WNK1: variants seen among roughly 807,000 people sequenced by gnomAD.
WNK1 encodes serine/threonine-protein kinase WNK1.
In WNK1, 38 loss-of-function variants were observed where a neutral mutation model predicts 222.8. That is an observed-to-expected ratio of 0.17 (90% CI 0.13 to 0.22). The LOEUF (loss-of-function observed/expected upper bound fraction) is 0.22, where lower values mean the gene tolerates loss of function less well. Ranked by LOEUF, WNK1 falls within the 10% of genes least tolerant of loss-of-function variation. The pLI is 1.00. For synonymous variants in WNK1, 1,090 were observed against 1,092.9 expected (o/e 1.00, Z 0.05); for missense variants, 2,348 against 2,918.4 (o/e 0.80, Z 4.50).
rs766644136 is a variant in WNK1, at chr12:753,535, A to T, written c.-31A>T. 1.2e-6 allele frequency: 2 copies of T among 1,610,878 alleles called. No homozygotes were observed. Among genetic ancestry groups the T allele is most frequent in the Non-Finnish European group, 1.7e-6 (2 of 1,179,684 alleles). Reference sequence around the variant, plus strand: ...CACGCCCTTTTCGTTCACGAATCCGAGCCCGCTCGCCTCTCTCCAGCGAAC... The same window carrying T: ...CACGCCCTTTTCGTTCACGAATCCGTGCCCGCTCGCCTCTCTCCAGCGAAC... On this transcript the variant is annotated 5_prime_UTR_variant, in exon 1 of 28. Coordinates refer to ENST00000315939, the MANE Select transcript of WNK1 (RefSeq NM_018979.4). The surrounding 1 kb of genome is among the most constrained non-coding windows in gnomAD (Gnocchi z 5.2).
chr12:852,063 G>A (rs985652002), intron 4 of WNK1, among the ~76,000 whole-genome samples: 7 of 152,128 alleles, frequency 4.6e-5, no homozygotes, highest in South Asian at 2.1e-4. Context: ...TGAAGCATCA[G>A]CTTTTAAGAA....
intron 2 of WNK1, among the ~76,000 whole-genome samples, chr12:826,222 A>AT (rs1393084295): frequency 6.6e-6 from 1 of 152,258 alleles, no homozygotes; most frequent in Non-Finnish European, 1.5e-5. Context: ...GCTGTTCAGC[A>AT]CGTGAAATGT....
Position 753,392 on chromosome 12 carries a change from A to G in WNK1, c.-174A>G. On this transcript the variant is annotated 5_prime_UTR_variant, in exon 1 of 28. Transcript: ENST00000315939. This position sits in a 1 kb window ranked among gnomAD's most constrained non-coding sequence, Gnocchi z 5.2. The stretch of plus-strand genomic sequence containing the variant: ...GCCAGCCCCCGCCGCAGCTGGGCCC[A>G]GCGGTCCGCCTGTCCCTCGTTGCGG... 1 of 817,496 alleles carries G rather than the reference A, an allele frequency of 1.2e-6. No homozygotes were observed. Among genetic ancestry groups the G allele is most frequent in the Non-Finnish European group, 1.9e-6 (1 of 530,894 alleles). The allele number at this position is 817,496 out of a possible 1,614,324, so 50.6% of individuals were successfully genotyped here.
In WNK1 at chr12:884,950, G is replaced by T; in HGVS notation, c.4146G>T (p.Gly1382=). 2 of 1,614,150 alleles carry T rather than the reference G, an allele frequency of 1.2e-6. No homozygotes were observed. The highest frequency in any genetic ancestry group is 2.2e-5 in the East Asian group (1 of 44,894). The stretch of plus-strand genomic sequence containing the variant: ...AGGTTACAGTGCCCACTGAAGAGGG[G>T]ATTGCTGGAGTTGCCACCAGCACAG... ...QSEVTVPTEE[G]IAGVATSTGV... The change falls in exon 19 of 28, where the codon GGG becomes GGT. Residue 1382 remains glycine (G), a synonymous_variant. Coordinates refer to ENST00000315939, the MANE Select transcript of WNK1 (RefSeq NM_018979.4). The surrounding 1 kb of genome is among the most constrained non-coding windows in gnomAD (Gnocchi z 5.6).
At chr12:808,533 ATG>A (rs1409064770) in intron 1 of WNK1, among the ~76,000 whole-genome samples, 1 of 151,642 alleles carries the variant, frequency 6.6e-6, no homozygotes, top group Non-Finnish European at 1.5e-5. Flanking sequence ...CAGCTATTAT[ATG>A]TATCTGCTAC....
chr12:850,642 C>T (rs1950354162), intron 4 of WNK1, among the ~76,000 whole-genome samples: 1 of 152,196 alleles, frequency 6.6e-6, no homozygotes, highest in Non-Finnish European at 1.5e-5. Flanking sequence ...GAAGTCCTTA[C>T]CCATGCCTAT....
chr12:861,450 C>T (rs755721599), intron 7 of WNK1, 107 bp downstream of exon 7: 10 of 1,008,422 alleles, frequency 9.9e-6, no homozygotes, highest in Non-Finnish European at 1.5e-5. Flanking sequence ...ATGAATCCTA[C>T]TATTATACAA....
At chr12:891,610 T>C (rs1478314527) in intron 22 of WNK1, among the ~76,000 whole-genome samples, 3 of 151,160 alleles carry the variant, frequency 2.0e-5, no homozygotes, top group South Asian at 2.1e-4. Context: ...TTCTTTTTTT[T>C]TTTTTTTTTA....
chr12:865,129 T>G, intron 8 of WNK1: 1 of 1,516,908 alleles, frequency 6.6e-7, no homozygotes, highest in South Asian at 1.2e-5. Flanking sequence ...GGCCGTAGCA[T>G]GTCGGTTTGT....
intron 1 of WNK1, among the ~76,000 whole-genome samples, chr12:794,344 A>G (rs1046615817): frequency 3.9e-5 from 6 of 152,196 alleles, no homozygotes; most frequent in Middle Eastern, 3.2e-3. Flanking sequence ...CTGTTTTTCA[A>G]GGTGACTACC....
intron 4 of WNK1, chr12:851,388 A>G (rs1177382058): frequency 8.3e-6 from 9 of 1,082,278 alleles, no homozygotes; most frequent in Admixed American, 4.5e-5. Flanking sequence ...TGGAGCATTG[A>G]GCAAGTAAAA....
Position 885,711 on chromosome 12 carries a change from C to T in WNK1, c.4907C>T (p.Pro1636Leu), listed in dbSNP as rs1565584658. 6.2e-7 allele frequency: 1 copy of T among 1,614,164 alleles called. No homozygotes were observed. Among genetic ancestry groups the T allele is most frequent in the Non-Finnish European group, 8.5e-7 (1 of 1,180,036 alleles). Residue 1636 changes from proline to leucine, a missense_variant, in exon 19 of 28, where the codon CCT becomes CTT. Pro to Leu is a moderately conservative substitution (Grantham distance 98). This residue lies in a region of WNK1 where 1,144 missense variants were observed against 1,273.6 expected (regional missense o/e 0.90). Coordinates refer to ENST00000315939, the MANE Select transcript of WNK1 (RefSeq NM_018979.4). ...LLPNQPHTHC[P>L]EVDSDTQPKA... ...CCCAACCAGCCCCATACTCATTGTC[C>T]TGAAGTAGATTCTGATACACAACCC...
Position 822,614 on chromosome 12 carries a change from C to T in WNK1, c.933-4428C>T, listed in dbSNP as rs141943152. Among the ~76,000 whole-genome samples the T allele has an allele frequency of 3.4e-3, 515 of 152,282 alleles. 4 individuals carry two copies. The Middle Eastern group carries it at 0.041, about 12-fold the overall frequency. ...ACAGTCTACCCTGAATTGATACCAA[C>T]TTAGCTTTAATACAGCATACAAATC... On this transcript the variant is annotated intron_variant, in intron 2 of 27. Transcript: ENST00000315939.
intron 26 of WNK1, 59 bp from the exon 27 acceptor site, chr12:907,786 CCT>C: frequency 6.3e-7 from 1 of 1,597,816 alleles, no homozygotes; most frequent in South Asian, 1.1e-5. Context: ...TGAAGTTTTC[CCT>C]CTTCCTGAAA....
rs755609491 is a variant in WNK1 at position 879,557 on chromosome 12, T to C, written c.2374-16T>C. 17 of 1,592,692 alleles carry C rather than the reference T, an allele frequency of 1.1e-5. No individual in the cohort carries two copies. The East Asian group carries it at 3.8e-4, about 36-fold the overall frequency. ...TTTTTTAAGCCTGTCTGTTTTGTTT[T>C]TCTTTACCTTCCCAGCTTCCAGTTT... On this transcript the variant is annotated splice_polypyrimidine_tract_variant and intron_variant, in intron 10 of 27. Coordinates refer to ENST00000315939, the MANE Select transcript of WNK1 (RefSeq NM_018979.4).
intron 2 of WNK1, among the ~76,000 whole-genome samples, chr12:821,507 A>G (rs1947876977): frequency 6.6e-6 from 1 of 152,216 alleles, no homozygotes; most frequent in Non-Finnish European, 1.5e-5. Flanking sequence ...GAGAATATAT[A>G]TTCACTTGTT....
At chr12:887,506 G>T (rs1953781991) in intron 20 of WNK1, among the ~76,000 whole-genome samples, 1 of 152,012 alleles carries the variant, frequency 6.6e-6, no homozygotes, top group Non-Finnish European at 1.5e-5. Flanking sequence ...GTTGCTTCCG[G>T]TTATCCAAAA....
In WNK1 at chr12:884,663, G is replaced by T. The variant is rs149186881; in HGVS notation, c.3859G>T (p.Ala1287Ser). The T allele has an allele frequency of 1.3e-4, 204 of 1,613,994 alleles. 1 individual carries two copies. The highest frequency in any genetic ancestry group is 1.5e-4 in the Non-Finnish European group (178 of 1,180,030). ...TTCCTTTGCAGTTGCTGCCTCTACA[G>T]CTCAGAGCCCTGGAATGAACTTGTC... ...EITDTVAASTAQSPGMNLSHS... is the reference protein window; with the variant it reads ...EITDTVAASTSQSPGMNLSHS... The change falls in exon 19 of 28, where the codon GCT (alanine) becomes TCT (serine). Residue 1287 changes from alanine to serine, a missense_variant. Coordinates refer to ENST00000315939, the MANE Select transcript of WNK1 (RefSeq NM_018979.4). The surrounding 1 kb of genome is among the most constrained non-coding windows in gnomAD (Gnocchi z 5.6).
intron 1 of WNK1, among the ~76,000 whole-genome samples, chr12:763,049 A>AT (rs1447330277): frequency 1.4e-5 from 2 of 146,410 alleles, no homozygotes; most frequent in African/African-American, 4.9e-5. Flanking sequence ...CCTGGTCCGT[A>AT]TTTTTATCTT....
Sources: allele counts gnomAD v4.1 joint callset (sites outside exome capture counted in the v4.1 genomes callset), GRCh38; gene constraint gnomAD v4.1.1; regional missense constraint gnomAD v4.1.1; non-coding constraint Gnocchi (gnomAD v3.1); transcripts MANE v1.5; gene names NCBI Gene and HGNC (gene_info 2026-07-23, HGNC 2026-07-21).